The following TPRG1 variants were observed in gnomAD, a reference collection of about 807,000 sequenced individuals.
TPRG1 encodes tumor protein p63-regulated gene 1 protein.
Under a neutral mutation model 29.3 loss-of-function variants are expected in TPRG1, and 29 were observed. The observed-to-expected ratio is 0.99, with a 90% CI of 0.74 to 1.35. The LOEUF is 1.35. TPRG1 is among the 40% of genes most tolerant of loss of function. TPRG1 has a pLI of 0.00. For synonymous variants in TPRG1, 130 were observed against 116.8 expected (o/e 1.11, Z -0.73); for missense variants, 327 against 335.0 (o/e 0.98, Z 0.19).
chr3:189,038,951 G>A (rs1714459044), intron 4 of TPRG1, among the ~76,000 whole-genome samples: 1 of 152,142 alleles, frequency 6.6e-6, no homozygotes, highest in South Asian at 2.1e-4. Flanking sequence ...GTAAAAATGA[G>A]AAAGTCAGAT....
At chr3:189,111,117 C>CA (rs35288926) in intron 1 of TPRG1, among the ~76,000 whole-genome samples, 61,750 of 151,080 alleles carry the variant, frequency 0.41, 16,443 homozygotes, top group African/African-American at 0.74. Context: ...AACAAACAAA[C>CA]AAAAAAAATC....
rs149991714 is a variant in TPRG1 at position 189,059,506 on chromosome 3, C to G, written c.-463+35560C>G. On this transcript the variant is annotated intron_variant, in intron 4 of 10. Transcript: ENST00000433971. ...ACTTGAGAGGCTGAGGCAAGAGAAC[C>G]GCTTGAACCCAAGAGGTGGAGGTTG... 3.1e-3 allele frequency among the ~76,000 whole-genome samples: 469 copies of G among 152,018 alleles called. 3 individuals carry two copies. Among genetic ancestry groups the G allele is most frequent in the African/African-American group, 0.011 (446 of 41,486 alleles).
At chr3:189,063,082 A>G (rs1284767091) in intron 4 of TPRG1, among the ~76,000 whole-genome samples, 1 of 152,106 alleles carries the variant, frequency 6.6e-6, no homozygotes, top group East Asian at 1.9e-4. Flanking sequence ...TTTACCATGC[A>G]AACTTTAAGC....
chr3:189,253,130 T>C (rs1742544483), intron 4 of TPRG1, among the ~76,000 whole-genome samples: 3 of 152,182 alleles, frequency 2.0e-5, no homozygotes, highest in African/African-American at 7.2e-5. Flanking sequence ...TGTACCGTGG[T>C]GGTTTGCTGC....
At chr3:188,999,858 C>G (rs1038889222) in intron 1 of TPRG1, among the ~76,000 whole-genome samples, 1 of 151,992 alleles carries the variant, frequency 6.6e-6, no homozygotes, top group African/African-American at 2.4e-5. Flanking sequence ...TACGTACATA[C>G]TTTTCCATTA....
At chr3:189,004,795 G>A (rs965159130) in intron 3 of TPRG1, 3 of 152,034 alleles carry the variant, frequency 2.0e-5, no homozygotes, top group South Asian at 2.1e-4. Context: ...CTAGATCTGG[G>A]GATTTAACCT....
intron 4 of TPRG1, among the ~76,000 whole-genome samples, chr3:189,088,759 C>T (rs1718132472): frequency 6.6e-6 from 1 of 152,074 alleles, no homozygotes; most frequent in African/African-American, 2.4e-5. Flanking sequence ...TGAAAATCGT[C>T]TCAAGTAGTG....
At chr3:189,007,950 T>G (rs1272520855) in intron 3 of TPRG1, among the ~76,000 whole-genome samples, 1 of 144,444 alleles carries the variant, frequency 6.9e-6, no homozygotes, top group Non-Finnish European at 1.5e-5. Context: ...TAATGCTAGA[T>G]GACGAGTTAG....
intron 1 of TPRG1, among the ~76,000 whole-genome samples, chr3:189,110,359 A>G (rs1283488122): frequency 2.6e-5 from 4 of 152,160 alleles, no homozygotes; most frequent in Non-Finnish European, 2.9e-5. Context: ...TTTATGATAC[A>G]TTATCTGTTC....
At position 189,010,529 on chromosome 3, in the gene TPRG1, A is replaced by G. The variant is rs184004306; in HGVS notation, c.-660+5769A>G. Among the ~76,000 whole-genome samples the G allele has an allele frequency of 2.6e-4, 40 of 152,304 alleles. No individual in the cohort carries two copies. In the East Asian group the frequency reaches 7.3e-3, roughly 28 times the overall value. ...GTTTTTGATTTGCATTTCGCTAATA[A>G]TCTGTGATGTTGAGCATTTTTTTCA... On this transcript the variant is annotated intron_variant, in intron 3 of 10. Coordinates refer to the TPRG1 transcript ENST00000433971.
At chr3:189,134,108 C>A (rs1034031313) in intron 3 of TPRG1, among the ~76,000 whole-genome samples, 18 of 152,252 alleles carry the variant, frequency 1.2e-4, no homozygotes, top group African/African-American at 3.9e-4. Flanking sequence ...AAGGTCCCAG[C>A]CCTTGGTCTT....
At chr3:189,214,952 G>A (rs1348152005) in intron 2 of TPRG1, among the ~76,000 whole-genome samples, 1 of 137,882 alleles carries the variant, frequency 7.3e-6, no homozygotes, top group East Asian at 1.9e-4. Flanking sequence ...AGAGAAAAAA[G>A]GTTTAATTTA....
chr3:189,012,043 G>A (rs970143069), intron 3 of TPRG1, among the ~76,000 whole-genome samples: 12 of 152,278 alleles, frequency 7.9e-5, no homozygotes, highest in South Asian at 6.2e-4. Context: ...CTGAGATGAC[G>A]GGGTTTTCTA....
chr3:189,223,324 C>A (rs1011225909), intron 3 of TPRG1, among the ~76,000 whole-genome samples: 1 of 152,190 alleles, frequency 6.6e-6, no homozygotes, highest in African/African-American at 2.4e-5. Flanking sequence ...TGGGTGAAAG[C>A]ATTCAGGCTA....
At chr3:189,189,283 G>T (rs1731358334) in intron 1 of TPRG1, among the ~76,000 whole-genome samples, 1 of 151,252 alleles carries the variant, frequency 6.6e-6, no homozygotes, top group Admixed American at 6.6e-5. Context: ...TTTATAGCTT[G>T]ATTTAAAAAA....
intron 1 of TPRG1, among the ~76,000 whole-genome samples, chr3:189,177,525 T>G (rs898863127): frequency 6.6e-6 from 1 of 151,726 alleles, no homozygotes; most frequent in Non-Finnish European, 1.5e-5. Context: ...CTTATCTATG[T>G]ATATACATAT....
In TPRG1 at chr3:189,030,007, A is replaced by C. The variant is rs545662638; in HGVS notation, c.-463+6061A>C. Among the ~76,000 whole-genome samples the C allele has an allele frequency of 2.6e-5, 4 of 152,338 alleles. No individual in the cohort carries two copies. The East Asian group carries it at 7.7e-4, about 29-fold the overall frequency. On this transcript the variant is annotated intron_variant, in intron 4 of 10. Transcript: ENST00000433971. Reference sequence around the variant, plus strand: ...AACCTCTTTTCTTTACAAATTACTCAGCTTCAGGTATTTCTTTATAGCAAC... The same window carrying C: ...AACCTCTTTTCTTTACAAATTACTCCGCTTCAGGTATTTCTTTATAGCAAC...
At chr3:189,148,147 A>G (rs1437185446) in intron 4 of TPRG1, among the ~76,000 whole-genome samples, 1 of 152,158 alleles carries the variant, frequency 6.6e-6, no homozygotes, top group Non-Finnish European at 1.5e-5. Context: ...AGTTGCTATA[A>G]AACCTTTCTG....
At chr3:189,133,329 G>A (rs1438936562) in intron 3 of TPRG1, among the ~76,000 whole-genome samples, 1 of 152,166 alleles carries the variant, frequency 6.6e-6, no homozygotes, top group Non-Finnish European at 1.5e-5. Flanking sequence ...AGAGGAAAAG[G>A]CAAAGGAGCA....
Sources: gnomAD v4.1 joint callset for allele counts (sites outside exome capture counted in the v4.1 genomes callset) on GRCh38, gnomAD v4.1.1 for gene constraint, MANE v1.5 for transcripts, NCBI Gene and HGNC (gene_info 2026-07-23, HGNC 2026-07-21) for gene names.